The following ZNF469 variants were observed in gnomAD, a reference collection of about 807,000 sequenced individuals.
ZNF469 encodes zinc finger protein 469.
ZNF469 carries 1 observed loss-of-function variant against 1.0 expected under a neutral mutation model. The observed-to-expected ratio is 1.00, with a 90% CI of 0.35 to 4.73. The LOEUF (loss-of-function observed/expected upper bound fraction) is 4.73. ZNF469 is among the 30% of genes most tolerant of loss of function. The pLI, the probability that ZNF469 is intolerant of heterozygous loss-of-function variation, is 0.16. For missense variants in ZNF469, 6,100 were observed against 5,356.3 expected (o/e 1.14, Z -4.33); for synonymous variants, 2,703 against 2,363.4 (o/e 1.14, Z -4.17).
rs1005310526 is a variant in ZNF469 at position 88,437,004 on chromosome 16, C to T, written c.9534C>T (p.Gly3178=). ...AQSKAGPWAC[G]MCLKEVADVW... Reference sequence around the variant, plus strand: ...GCAAGGCCGGGCCCTGGGCGTGCGGCATGTGCCTGAAGGAGGTGGCCGACG... The same window carrying T: ...GCAAGGCCGGGCCCTGGGCGTGCGGTATGTGCCTGAAGGAGGTGGCCGACG... The change falls in exon 3 of 3, where the codon GGC becomes GGT. Residue 3178 remains glycine (G), a synonymous_variant. Coordinates refer to ENST00000565624, the MANE Select transcript of ZNF469 (RefSeq NM_001367624.2). 5 of 1,523,070 alleles carry T rather than the reference C, an allele frequency of 3.3e-6. No individual in the cohort carries two copies. In the Admixed American group the frequency reaches 8.0e-5, roughly 24 times the overall value. The allele number at this position is 1,523,070 out of a possible 1,614,324, so 94.3% of individuals were successfully genotyped here.
chr16:88,184,918 A>C, the ZNF469 span, among the ~76,000 whole-genome samples: 5 of 152,176 alleles, frequency 3.3e-5, no homozygotes, highest in South Asian at 1.0e-3. Flanking sequence ...CTCACACAAT[A>C]GGCTGTTATG....
Position 88,434,493 on chromosome 16 carries a change from G to A in ZNF469, c.7023G>A (p.Glu2341=). 1 of 1,550,172 alleles carries A rather than the reference G, an allele frequency of 6.5e-7. No individual in the cohort carries two copies. The highest frequency in any genetic ancestry group is 8.7e-7 in the Non-Finnish European group (1 of 1,146,956). Residue 2341 remains glutamate (E), a synonymous_variant, in exon 3 of 3, where the codon GAG becomes GAA. Transcript: ENST00000565624. ...ATACTGCCCGCCTCGGCCACAGGGA[G>A]GGCCAGGCTGTCACAGCTGTGCCCA... ...PSNTARLGHR[E]GQAVTAVPTE...
the ZNF469 span, among the ~76,000 whole-genome samples, chr16:88,301,344 C>T: frequency 3.9e-5 from 6 of 152,046 alleles, no homozygotes; most frequent in South Asian, 2.1e-4. Context: ...TTAGTAGAGA[C>T]GGGGTCTCAC....
chr16:88,128,956 G>A, the ZNF469 span, among the ~76,000 whole-genome samples: 7 of 152,380 alleles, frequency 4.6e-5, no homozygotes, highest in South Asian at 2.1e-4. Context: ...GAGAACCTTC[G>A]ATGACTGGAA....
chr16:88,225,034 C>T, the ZNF469 span, among the ~76,000 whole-genome samples: 3 of 152,198 alleles, frequency 2.0e-5, no homozygotes, highest in Non-Finnish European at 4.4e-5. Context: ...GCGTGGGCTG[C>T]TCTGCTCCCC....
chr16:88,144,471 C>A, the ZNF469 span, among the ~76,000 whole-genome samples: 1 of 152,214 alleles, frequency 6.6e-6, no homozygotes, highest in East Asian at 1.9e-4. Flanking sequence ...GACATCACGT[C>A]CCTCCAGCCA....
At chr16:88,402,240 G>T (rs1004290941) in intron 1 of ZNF469, among the ~76,000 whole-genome samples, 10 of 152,132 alleles carry the variant, frequency 6.6e-5, no homozygotes, top group African/African-American at 2.2e-4. Flanking sequence ...GGTGACTGCA[G>T]TCTTCCAGGC....
chr16:88,294,587 G>A, the ZNF469 span: 3 of 152,206 alleles, frequency 2.0e-5, no homozygotes, highest in Non-Finnish European at 4.4e-5. Context: ...CTCATCTGAG[G>A]AGCTTTTTCC....
the ZNF469 span, among the ~76,000 whole-genome samples, chr16:88,160,891 C>T: frequency 6.6e-6 from 1 of 152,200 alleles, no homozygotes; most frequent in Non-Finnish European, 1.5e-5. Context: ...ACCTGTAATC[C>T]CAGCACTTTG....
the ZNF469 span, among the ~76,000 whole-genome samples, chr16:88,133,094 G>T: frequency 0.033 from 5,057 of 152,038 alleles, no homozygotes; most frequent in African/African-American, 0.11. Flanking sequence ...GTGCACCGTA[G>T]CTTTGCGGGA....
the ZNF469 span, among the ~76,000 whole-genome samples, chr16:88,317,020 A>T: frequency 6.6e-6 from 1 of 152,174 alleles, no homozygotes; most frequent in African/African-American, 2.4e-5. Flanking sequence ...GGAAGGGGCA[A>T]TGCTCCACCC....
At chr16:88,319,394 G>A in the ZNF469 span, among the ~76,000 whole-genome samples, 2 of 152,180 alleles carry the variant, frequency 1.3e-5, no homozygotes, top group African/African-American at 4.8e-5. Flanking sequence ...CACAGGAGGT[G>A]CAAGGATTGG....
At chr16:88,214,928 T>C in the ZNF469 span, among the ~76,000 whole-genome samples, 27 of 152,348 alleles carry the variant, frequency 1.8e-4, no homozygotes, top group East Asian at 4.8e-3. Context: ...AGGATTCAAG[T>C]ATTTTTCTGG....
the ZNF469 span, among the ~76,000 whole-genome samples, chr16:88,143,247 A>G: frequency 6.6e-6 from 1 of 152,210 alleles, no homozygotes; most frequent in African/African-American, 2.4e-5. Context: ...CCCTGTGTCA[A>G]TGGAGATTTC....
At chr16:88,162,190 C>T in the ZNF469 span, among the ~76,000 whole-genome samples, 2 of 152,074 alleles carry the variant, frequency 1.3e-5, no homozygotes, top group African/African-American at 4.8e-5. Context: ...CCCTGAGCTT[C>T]CTGGGTCTCT....
At chr16:88,256,774 T>C in the ZNF469 span, among the ~76,000 whole-genome samples, 2 of 152,144 alleles carry the variant, frequency 1.3e-5, no homozygotes, top group Non-Finnish European at 2.9e-5. Flanking sequence ...CGATATCTTA[T>C]GCTTATTTTA....
the ZNF469 span, among the ~76,000 whole-genome samples, chr16:88,112,654 T>C: frequency 6.6e-6 from 1 of 152,216 alleles, no homozygotes; most frequent in South Asian, 2.1e-4. Flanking sequence ...ATAGAGTTGT[T>C]TGAGCTCATT....
the ZNF469 span, among the ~76,000 whole-genome samples, chr16:88,183,935 G>T: frequency 1.3e-5 from 2 of 152,032 alleles, no homozygotes; most frequent in Non-Finnish European, 2.9e-5. Flanking sequence ...AGGGAGTGGG[G>T]AGAGCCACTC....
chr16:88,247,821 ATGAG>A, the ZNF469 span, among the ~76,000 whole-genome samples: 3 of 148,980 alleles, frequency 2.0e-5, no homozygotes, highest in Admixed American at 6.6e-5. Context: ...GAGTGAGTGA[ATGAG>A]TGAGTGAGTG....
Sources: allele counts gnomAD v4.1 joint callset (sites outside exome capture counted in the v4.1 genomes callset), GRCh38; gene constraint gnomAD v4.1.1; transcripts MANE v1.5; gene names NCBI Gene and HGNC (gene_info 2026-07-23, HGNC 2026-07-21).